PCDHGA1: variants seen among roughly 807,000 people sequenced by gnomAD.
PCDHGA1 encodes protocadherin gamma subfamily A, 1.
A neutral mutation model predicts 58.0 loss-of-function variants in PCDHGA1; 32 were observed. That is an observed-to-expected ratio of 0.55 (90% CI 0.42 to 0.74). PCDHGA1 has a LOEUF of 0.74. Among genes scored for constraint, PCDHGA1 ranks in the 30% least tolerant of loss-of-function variants. The pLI is 0.00. For missense variants in PCDHGA1, 1,205 were observed against 1,182.3 expected (o/e 1.02, Z -0.28); for synonymous variants, 498 against 501.1 (o/e 0.99, Z 0.08).
At position 141,339,776 on chromosome 5, in the gene PCDHGA1, G is replaced by A. The variant is rs778896419; in HGVS notation, c.2421+6671G>A. 8 of 1,614,188 alleles carry A rather than the reference G, an allele frequency of 5.0e-6. No homozygotes were observed. Among genetic ancestry groups the A allele is most frequent in the Admixed American group, 1.7e-5 (1 of 60,028 alleles). On this transcript the variant is annotated intron_variant, in intron 1 of 3. Coordinates refer to ENST00000517417, the MANE Select transcript of PCDHGA1 (RefSeq NM_018912.3). ...GATACTCACGGTGACCGCCACTGAC[G>A]CAGATGAGGGCTACTACGCTCAAGT...
intron 1 of PCDHGA1, chr5:141,361,691 C>T (rs764200534): frequency 6.2e-7 from 1 of 1,613,382 alleles, no homozygotes; most frequent in East Asian, 2.2e-5. Flanking sequence ...GCGCAGCGCG[C>T]CTTCGATCAT....
In PCDHGA1 at chr5:141,398,596, G is replaced by A. The variant is rs201846904; in HGVS notation, c.2421+65491G>A. 1,173 of 1,614,034 alleles carry A rather than the reference G, an allele frequency of 7.3e-4. 1 individual carries two copies. Among genetic ancestry groups the A allele is most frequent in the Non-Finnish European group, 9.3e-4 (1,101 of 1,179,898 alleles). ...TGGCACAAGATTTATACTAGAAGTA[G>A]CAGAAGATGCAGATATTGGCTTAAA... is the stretch of plus-strand genomic sequence containing the variant. On this transcript the variant is annotated intron_variant, in intron 1 of 3. Transcript: ENST00000517417.
intron 1 of PCDHGA1, among the ~76,000 whole-genome samples, chr5:141,338,462 G>T (rs1389339467): frequency 6.6e-6 from 1 of 152,170 alleles, no homozygotes; most frequent in African/African-American, 2.4e-5. Flanking sequence ...GATGTTTGGA[G>T]CAAGGGCAGT....
At chr5:141,344,764 A>T (rs1418296616) in intron 1 of PCDHGA1, 1 of 1,614,002 alleles carries the variant, frequency 6.2e-7, no homozygotes, top group South Asian at 1.1e-5. Context: ...ATGTTTACTC[A>T]GCCTGAGTAC....
intron 1 of PCDHGA1, among the ~76,000 whole-genome samples, chr5:141,343,607 T>C (rs3806837): frequency 0.16 from 24,298 of 152,222 alleles, 2,432 homozygotes; most frequent in African/African-American, 0.29. Context: ...TTAAGGTTAG[T>C]GCATGGATTC....
At position 141,361,013 on chromosome 5, in the gene PCDHGA1, A is replaced by G. The variant is rs185853995; in HGVS notation, c.2421+27908A>G. 4.3e-6 allele frequency: 7 copies of G among 1,613,268 alleles called. No individual in the cohort carries two copies. The East Asian group carries it at 1.6e-4, about 36-fold the overall frequency. On this transcript the variant is annotated intron_variant, in intron 1 of 3. Transcript: ENST00000517417. Reference sequence around the variant, plus strand: ...GACGAACAAGTGAAACACTTTTTCAACTTAAATGAAAAAACAGGAGAAATC... The same window carrying G: ...GACGAACAAGTGAAACACTTTTTCAGCTTAAATGAAAAAACAGGAGAAATC...
intron 1 of PCDHGA1, chr5:141,345,196 G>A: frequency 6.2e-7 from 1 of 1,613,980 alleles, no homozygotes; most frequent in African/African-American, 1.3e-5. Context: ...TTTGTCCTGG[G>A]AAATCTGCCA....
intron 1 of PCDHGA1, among the ~76,000 whole-genome samples, chr5:141,472,542 GA>G (rs904556404): frequency 1.6e-4 from 23 of 147,144 alleles, no homozygotes; most frequent in African/African-American, 4.2e-4. Context: ...ACCATCTCAA[GA>G]AAAAAAAAAT....
chr5:141,501,412 T>C (rs1479005426), intron 2 of PCDHGA1, among the ~76,000 whole-genome samples: 7 of 151,550 alleles, frequency 4.6e-5, no homozygotes, highest in African/African-American at 1.7e-4. Context: ...GCTTGGAAAA[T>C]AGTTGACTAA....
At chr5:141,353,298 T>C (rs1759240149) in intron 1 of PCDHGA1, among the ~76,000 whole-genome samples, 1 of 152,238 alleles carries the variant, frequency 6.6e-6, no homozygotes, top group Non-Finnish European at 1.5e-5. Flanking sequence ...CTTAGCTCTT[T>C]ATAAATGTAT....
intron 1 of PCDHGA1, among the ~76,000 whole-genome samples, chr5:141,434,340 G>A (rs2097687601): frequency 6.6e-6 from 1 of 152,150 alleles, no homozygotes; most frequent in Non-Finnish European, 1.5e-5. Context: ...TTTGTGTCGG[G>A]AACAGGCCCC....
intron 1 of PCDHGA1, chr5:141,419,837 C>G (rs778271441): frequency 1.2e-6 from 2 of 1,614,090 alleles, no homozygotes; most frequent in South Asian, 2.2e-5. Context: ...CACTGCCACG[C>G]TGCACCTGGT....
chr5:141,360,270 G>T (rs1761507525), intron 1 of PCDHGA1: 2 of 1,613,904 alleles, frequency 1.2e-6, no homozygotes, highest in African/African-American at 1.3e-5. Flanking sequence ...CCAAAAACTC[G>T]GTCGTAGGAA....
At chr5:141,360,806 G>A (rs569018820) in intron 1 of PCDHGA1, 25 of 1,613,912 alleles carry the variant, frequency 1.5e-5, no homozygotes, top group East Asian at 2.2e-5. Flanking sequence ...CCTCAAAGTG[G>A]CACGACCCAA....
rs889285153 is a variant in PCDHGA1, at chr5:141,494,978, T to C, written c.2480+113T>C. ...TGCTACAGATGGCTTCTCCCTCAGT[T>C]TGAGATCCCAGGGAGGTCTTGGTGT... On this transcript the variant is annotated intron_variant, in intron 2 of 3. Transcript: ENST00000517417. 7.6e-6 allele frequency: 12 copies of C among 1,572,974 alleles called. No homozygotes were observed. In the Admixed American group the frequency reaches 1.3e-4, roughly 17 times the overall value.
rs1757088308 is a variant in PCDHGA1, at chr5:141,341,782, C to CT, written c.2421+8681dup. ...TTTATGTTTACTCAAGTCCTTTCTTCTTTTAAGTTATGACTCTTACTCTAT... is the reference window on the plus strand; with the variant it reads ...TTTATGTTTACTCAAGTCCTTTCTTCTTTTTAAGTTATGACTCTTACTCTAT... On this transcript the variant is annotated intron_variant, in intron 1 of 3. Coordinates refer to ENST00000517417, the MANE Select transcript of PCDHGA1 (RefSeq NM_018912.3). The CT allele has an allele frequency of 2.9e-5, 10 of 339,116 alleles. No individual in the cohort carries two copies. The East Asian group carries it at 5.6e-4, about 19-fold the overall frequency. The allele number at this position is 339,116 out of a possible 1,614,324, so 21.0% of individuals were successfully genotyped here. A position where few individuals can be genotyped will look rare whatever the true frequency, so the allele number is the denominator to read the frequency against.
At chr5:141,366,718 G>A (rs772444465) in intron 1 of PCDHGA1, 26 of 1,613,638 alleles carry the variant, frequency 1.6e-5, no homozygotes, top group Admixed American at 3.3e-5. Context: ...TGTCTGATAA[G>A]GTAGATGCAA....
intron 1 of PCDHGA1, among the ~76,000 whole-genome samples, chr5:141,386,678 G>A (rs1376452903): frequency 6.6e-6 from 1 of 152,012 alleles, no homozygotes; most frequent in African/African-American, 2.4e-5. Flanking sequence ...CATTTCAGAT[G>A]TACAATCACT....
chr5:141,360,548 T>A (rs1354805978), intron 1 of PCDHGA1: 3 of 1,613,974 alleles, frequency 1.9e-6, no homozygotes, highest in Non-Finnish European at 1.7e-6. Flanking sequence ...CAGACTAAGA[T>A]TAATTTAAAA....
Sources: allele counts gnomAD v4.1 joint callset (sites outside exome capture counted in the v4.1 genomes callset), GRCh38; gene constraint gnomAD v4.1.1; transcripts MANE v1.5; gene names NCBI Gene and HGNC (gene_info 2026-07-23, HGNC 2026-07-21).